Variants in SPAG16 observed in about 807,000 individuals in gnomAD.
SPAG16 encodes sperm-associated antigen 16 protein.
SPAG16 carries 86 observed loss-of-function variants against 80.4 expected under a neutral mutation model. That is an observed-to-expected ratio of 1.07 (90% confidence interval 0.90 to 1.28). The LOEUF is 1.28. Ranked by LOEUF, SPAG16 falls within the 50% of genes most tolerant of loss-of-function variation. The pLI is 0.00. For missense variants in SPAG16, 870 were observed against 765.3 expected, an observed-to-expected ratio of 1.14 and a Z score of -1.61; for synonymous variants, 294 against 265.9, an observed-to-expected ratio of 1.11 and a Z score of -1.03.
intron 15 of SPAG16, among the ~76,000 whole-genome samples, chr2:214,376,698 T>C (rs1700154697): frequency 6.6e-6 from 1 of 152,202 alleles, no homozygotes; most frequent in Non-Finnish European, 1.5e-5. Context: ...GAACATTCTC[T>C]GACAAGATCT....
At chr2:213,626,622 A>G (rs1230719057) in intron 10 of SPAG16, among the ~76,000 whole-genome samples, 6 of 148,330 alleles carry the variant, frequency 4.0e-5, no homozygotes. Flanking sequence ...CACACTAGAT[A>G]TTATTACTAT....
rs142009529 is a variant in SPAG16, at chr2:214,189,067, A to T, written c.1720+39801A>T. 5.5e-3 allele frequency among the ~76,000 whole-genome samples: 840 copies of T among 152,258 alleles called. 7 individuals are homozygous for T. Among genetic ancestry groups the T allele is most frequent in the Middle Eastern group, 0.034 (10 of 294 alleles). The stretch of plus-strand genomic sequence containing the variant: ...TGGGTGAATGTTCACTTTCAGAACT[A>T]ACAAATCCATTTGTATAAGTATGTT... On this transcript the variant is annotated intron_variant, in intron 15 of 15. Transcript: ENST00000331683.
At chr2:213,297,594 C>T (rs1014785381) in intron 3 of SPAG16, among the ~76,000 whole-genome samples, 3 of 100,402 alleles carry the variant, frequency 3.0e-5, no homozygotes, top group African/African-American at 8.1e-5. Flanking sequence ...CAAGTGACAC[C>T]TTCTCTCTGA....
At chr2:213,841,931 G>A (rs1026722028) in intron 10 of SPAG16, among the ~76,000 whole-genome samples, 10 of 151,788 alleles carry the variant, frequency 6.6e-5, no homozygotes, top group East Asian at 1.9e-4. Flanking sequence ...ATATTTTAAC[G>A]GCAAAAATGA....
intron 10 of SPAG16, among the ~76,000 whole-genome samples, chr2:213,777,516 C>G (rs2069675647): frequency 6.6e-6 from 1 of 152,078 alleles, no homozygotes; most frequent in African/African-American, 2.4e-5. Context: ...ACGCCATTCT[C>G]CTGCCTCAGC....
rs1013521000 is a variant in SPAG16, at chr2:214,301,012, A to C, written c.1721-109128A>C. 2.1e-5 allele frequency among the ~76,000 whole-genome samples: 3 copies of C among 142,258 alleles called. No homozygotes were observed. The South Asian group carries it at 6.9e-4, about 33-fold the overall frequency. 93.3% of individuals were successfully genotyped at this position (142,258 alleles called of 152,430 possible). ...AACACAGATGCGAAAATTCTCATGTACCCTAAAACTTAAAGTATAATAATA... is the reference window on the plus strand; with the variant it reads ...AACACAGATGCGAAAATTCTCATGTCCCCTAAAACTTAAAGTATAATAATA... On this transcript the variant is annotated intron_variant, in intron 15 of 15. Transcript: ENST00000331683.
At chr2:214,308,358 C>G (rs1401726935) in intron 15 of SPAG16, among the ~76,000 whole-genome samples, 1 of 152,120 alleles carries the variant, frequency 6.6e-6, no homozygotes, top group East Asian at 1.9e-4. Flanking sequence ...CACTCTATGT[C>G]TTTTAATTAG....
At chr2:214,192,387 A>C (rs997250487) in intron 15 of SPAG16, among the ~76,000 whole-genome samples, 4 of 152,096 alleles carry the variant, frequency 2.6e-5, no homozygotes, top group Non-Finnish European at 5.9e-5. Context: ...GTAACTTTAC[A>C]ATCCTGGTGA....
chr2:213,879,845 T>C lies in SPAG16; in HGVS notation c.1214+17217T>C, dbSNP rs118136622. On this transcript the variant is annotated intron_variant, in intron 11 of 15. Transcript: ENST00000331683. ...CTTTATATGGCTGTGTAGTATTCCATAGTGTGTGTGTACCATGTTTTATTT... is the reference window on the plus strand; with the variant it reads ...CTTTATATGGCTGTGTAGTATTCCACAGTGTGTGTGTACCATGTTTTATTT... 5.4e-3 allele frequency among the ~76,000 whole-genome samples: 817 copies of C among 152,266 alleles called. 13 individuals are homozygous for C. Among genetic ancestry groups the C allele is most frequent in the East Asian group, 0.043 (220 of 5,176 alleles).
At chr2:213,973,154 T>C (rs536523063) in intron 12 of SPAG16, among the ~76,000 whole-genome samples, 1 of 152,340 alleles carries the variant, frequency 6.6e-6, no homozygotes, top group Admixed American at 6.5e-5. Context: ...TCTTGGGTCT[T>C]TTTTGAGCAT....
intron 12 of SPAG16, among the ~76,000 whole-genome samples, chr2:213,957,064 T>C (rs555485692): frequency 1.4e-4 from 21 of 152,260 alleles, no homozygotes; most frequent in African/African-American, 5.1e-4. Context: ...TCCTGGAAAA[T>C]GTACCATGTC....
intron 10 of SPAG16, among the ~76,000 whole-genome samples, chr2:213,793,024 T>G (rs573633239): frequency 1.1e-4 from 16 of 152,124 alleles, no homozygotes; most frequent in African/African-American, 3.9e-4. Context: ...CCTCCTGGGT[T>G]CAAGCGATTC....
intron 8 of SPAG16, among the ~76,000 whole-genome samples, chr2:213,372,014 T>C (rs1445282203): frequency 6.6e-6 from 1 of 152,154 alleles, no homozygotes; most frequent in Admixed American, 6.5e-5. Flanking sequence ...TGAGTAGATA[T>C]TTAAACTGAA....
intron 15 of SPAG16, among the ~76,000 whole-genome samples, chr2:214,216,816 A>T (rs2125764400): frequency 6.6e-6 from 1 of 152,360 alleles, no homozygotes; most frequent in South Asian, 2.1e-4. Context: ...TGTTCTGAAC[A>T]TCTAACTACA....
intron 10 of SPAG16, among the ~76,000 whole-genome samples, chr2:213,579,574 T>C (rs1411747744): frequency 6.6e-6 from 1 of 152,164 alleles, no homozygotes; most frequent in East Asian, 1.9e-4. Context: ...ATAGGATCCA[T>C]TAAAAATGAT....
At chr2:213,855,759 C>T (rs1424259298) in intron 10 of SPAG16, among the ~76,000 whole-genome samples, 1 of 152,140 alleles carries the variant, frequency 6.6e-6, no homozygotes, top group Non-Finnish European at 1.5e-5. Context: ...CTCATAAGAA[C>T]TCACTTACTG....
intron 15 of SPAG16, among the ~76,000 whole-genome samples, chr2:214,181,645 C>G (rs1333034668): frequency 1.3e-5 from 2 of 151,842 alleles, no homozygotes; most frequent in African/African-American, 4.8e-5. Flanking sequence ...TCCACTCTTA[C>G]TGCATTCTTT....
chr2:213,770,329 A>G (rs1447368151), intron 10 of SPAG16, among the ~76,000 whole-genome samples: 3 of 152,040 alleles, frequency 2.0e-5, no homozygotes, highest in African/African-American at 4.8e-5. Flanking sequence ...TGATAGGTGC[A>G]TGTTTAACGT....
intron 10 of SPAG16, among the ~76,000 whole-genome samples, chr2:213,528,941 C>G (rs2075977076): frequency 6.6e-6 from 1 of 152,102 alleles, no homozygotes; most frequent in Non-Finnish European, 1.5e-5. Flanking sequence ...ATTATAGATT[C>G]TTGAAAAATG....
Sources: gnomAD v4.1 joint callset for allele counts (sites outside exome capture counted in the v4.1 genomes callset) on GRCh38, gnomAD v4.1.1 for gene constraint, MANE v1.5 for transcripts, NCBI Gene and HGNC (gene_info 2026-07-23, HGNC 2026-07-21) for gene names.